HEPH: variants seen among roughly 807,000 people sequenced by gnomAD.
The protein encoded by HEPH is hephaestin.
In HEPH, 69 loss-of-function variants were observed where a neutral mutation model predicts 80.8. The observed-to-expected ratio is 0.85, with a 90% CI of 0.70 to 1.04. The LOEUF (loss-of-function observed/expected upper bound fraction) is 1.04. Ranked by LOEUF, HEPH falls within the 50% of genes least tolerant of loss-of-function variation. HEPH has a pLI of 0.00. For missense variants in HEPH, 1,115 were observed against 891.3 expected (o/e 1.25, Z -3.20); for synonymous variants, 431 against 322.8 (o/e 1.34, Z -3.60).
intron 2 of HEPH, among the ~76,000 whole-genome samples, chrX:66,171,724 A>C (rs2086601746): frequency 8.9e-6 from 1 of 111,842 alleles, no homozygotes; most frequent in Non-Finnish European, 1.9e-5. Context: ...CTTCATCCCT[A>C]ATACTTTGTA....
At chrX:66,208,945 C>G (rs1363410855) in intron 15 of HEPH, among the ~76,000 whole-genome samples, 3 of 108,811 alleles carry the variant, frequency 2.8e-5, no homozygotes, top group Admixed American at 2.0e-4. Context: ...GAATTCTAAC[C>G]CCAGTCACAT....
At chrX:66,164,601 T>A (rs1347841464) in intron 1 of HEPH, 131 bp downstream of exon 1, 1 of 369,812 alleles carries the variant, frequency 2.7e-6, no homozygotes, top group Non-Finnish European at 3.4e-6. Flanking sequence ...TTGGAGGAGG[T>A]TTGGCTGATG....
chrX:66,200,189 G>C (rs867943383), intron 11 of HEPH, among the ~76,000 whole-genome samples: 2 of 107,254 alleles, frequency 1.9e-5, no homozygotes, highest in Admixed American at 1.0e-4. Flanking sequence ...AAAGTATGTT[G>C]CCACAGAAAC....
At chrX:66,197,128 G>A (rs1485212444) in intron 9 of HEPH, among the ~76,000 whole-genome samples, 2 of 109,842 alleles carry the variant, frequency 1.8e-5, no homozygotes, top group Non-Finnish European at 3.8e-5. Flanking sequence ...AAAGGTCTGT[G>A]CATTGCTTGA....
At chrX:66,180,889 T>A (rs1489006327) in intron 4 of HEPH, among the ~76,000 whole-genome samples, 84 of 85,711 alleles carry the variant, frequency 9.8e-4, no homozygotes, top group Non-Finnish European at 1.5e-3. Flanking sequence ...GATATTCCCC[T>A]TCCTGTGTCC....
At position 66,192,267 on chromosome X, in the gene HEPH, A is replaced by T. The variant is rs779478783; in HGVS notation, c.1201A>T (p.Ser401Cys). ...WDYGPMGHDG[S>C]TGKNLREPGS... is the part of the protein sequence containing the mutation. Reference sequence around the variant, plus strand: ...CTATGGCCCGATGGGGCATGATGGGAGTACTGGGAAGAATTTGAGAGAGCC... The same window carrying T: ...CTATGGCCCGATGGGGCATGATGGGTGTACTGGGAAGAATTTGAGAGAGCC... The change falls in exon 7 of 21, where the codon AGT becomes TGT. Residue 401 changes from serine to cysteine, a missense_variant. Around this residue, in one of 3 missense-constraint regions of HEPH, gnomAD observed 391 missense variants for 343.6 expected, o/e 1.14. Transcript: ENST00000343002. The T allele has an allele frequency of 3.1e-5, 37 of 1,207,618 alleles. No individual in the cohort carries two copies. In the South Asian group the frequency reaches 5.9e-4, roughly 19 times the overall value.
At chrX:66,221,667 G>A (rs1434544440) in intron 15 of HEPH, among the ~76,000 whole-genome samples, 1 of 112,745 alleles carries the variant, frequency 8.9e-6, no homozygotes, top group African/African-American at 3.2e-5. Context: ...CTGATACATA[G>A]GGTGTAAAGG....
Position 66,256,066 on chromosome X carries a change from C to T in HEPH, c.2671-39C>T, listed in dbSNP as rs1199548956. The T allele has an allele frequency of 3.7e-6, 4 of 1,084,318 alleles. No homozygotes were observed. The African/African-American group carries it at 7.4e-5, about 20-fold the overall frequency. 89.4% of individuals were successfully genotyped at this position (1,084,318 alleles called of 1,213,427 possible). Reference sequence around the variant, plus strand: ...GGAGTACTGCTACCCAGAAACAACTCCATCTCTTTCTCTCTCTCCCACTTC... The same window carrying T: ...GGAGTACTGCTACCCAGAAACAACTTCATCTCTTTCTCTCTCTCCCACTTC... On this transcript the variant is annotated intron_variant, in intron 16 of 20. Coordinates refer to ENST00000343002, the MANE Select transcript of HEPH (RefSeq NM_001367233.3).
In HEPH at chrX:66,170,707, T is replaced by C. The variant is rs897150550; in HGVS notation, c.137T>C (p.Val46Ala). 2 of 1,208,621 alleles carry C rather than the reference T, an allele frequency of 1.7e-6. No homozygotes were observed. Among genetic ancestry groups the C allele is most frequent in the Admixed American group, 4.4e-5 (2 of 45,595 alleles). ...AACTATGCTCCCAAGGGAAGAAATG[T>C]CATCACGAACCAGCCTCTGGACAGT... ...QWNYAPKGRN[V>A]ITNQPLDSDI... Residue 46 changes from valine (V) to alanine (A), a missense_variant, in exon 2 of 21, where the codon GTC (valine) becomes GCC (alanine). Physicochemically the swap from Val to Ala is moderately conservative, Grantham distance 64 (BLOSUM62 0). Around this residue, in one of 3 missense-constraint regions of HEPH, gnomAD observed 391 missense variants for 343.6 expected, o/e 1.14. Coordinates refer to ENST00000343002, the MANE Select transcript of HEPH (RefSeq NM_001367233.3).
intron 15 of HEPH, among the ~76,000 whole-genome samples, chrX:66,244,934 T>C (rs1484962602): frequency 9.1e-6 from 1 of 110,241 alleles, no homozygotes; most frequent in Non-Finnish European, 1.9e-5. Context: ...AATATTTTAG[T>C]ACATAGAAAG....
chrX:66,267,106 C>G lies in HEPH; in HGVS notation c.*434C>G. 7.9e-6 allele frequency: 1 copy of G among 126,484 alleles called. No homozygotes were observed. The highest frequency in any genetic ancestry group is 1.6e-5 in the Non-Finnish European group (1 of 61,027). 10.4% of individuals were successfully genotyped at this position (126,484 alleles called of 1,213,427 possible). ...AAGTGAGCTGTTAAGATAACCCACACTTAAACTAAAGGCTAAGAATATAGG... is the reference window on the plus strand; with the variant it reads ...AAGTGAGCTGTTAAGATAACCCACAGTTAAACTAAAGGCTAAGAATATAGG... On this transcript the variant is annotated 3_prime_UTR_variant, in exon 21 of 21. Transcript: ENST00000343002.
intron 15 of HEPH, among the ~76,000 whole-genome samples, chrX:66,223,837 CT>C (rs945299148): frequency 2.7e-5 from 3 of 110,756 alleles, no homozygotes; most frequent in Non-Finnish European, 3.8e-5. Flanking sequence ...TGCACATAAA[CT>C]TTTTTTTTCC....
Position 66,164,412 on chromosome X carries a change from C to T in HEPH, c.-72C>T. The T allele has an allele frequency of 1.3e-6, 1 of 753,129 alleles. No individual in the cohort carries two copies. The highest frequency in any genetic ancestry group is 1.6e-6 in the Non-Finnish European group (1 of 638,226). The allele number at this position is 753,129 out of a possible 1,213,427, so 62.1% of individuals were successfully genotyped here. On this transcript the variant is annotated 5_prime_UTR_variant, in exon 1 of 21. Coordinates refer to ENST00000343002, the MANE Select transcript of HEPH (RefSeq NM_001367233.3). ...ATGGCTGGCGGACTCAGGCTGGGGT[C>T]TGCAGTGCAGCATTAATGGGCCGCT...
At chrX:66,176,295 G>A (rs2086799529) in intron 4 of HEPH, among the ~76,000 whole-genome samples, 1 of 111,520 alleles carries the variant, frequency 9.0e-6, no homozygotes, top group Admixed American at 9.5e-5. Context: ...TAAAAATTCT[G>A]TTCATGTGGT....
intron 9 of HEPH, 71 bp from the exon 10 acceptor site, chrX:66,197,612 A>G: frequency 1.1e-6 from 1 of 920,993 alleles, no homozygotes; most frequent in Non-Finnish European, 1.6e-6. Context: ...CATAATCTTT[A>G]TTTCACTGTT....
At chrX:66,177,031 A>T (rs1041145527) in intron 4 of HEPH, among the ~76,000 whole-genome samples, 1 of 111,525 alleles carries the variant, frequency 9.0e-6, no homozygotes, top group African/African-American at 3.3e-5. Context: ...TGAACAGGCA[A>T]CCTACAGAAT....
chrX:66,263,587 A>G (rs376948190), intron 19 of HEPH, 57 bp from the exon 20 acceptor site: 2 of 1,164,762 alleles, frequency 1.7e-6, no homozygotes, highest in South Asian at 3.6e-5. Context: ...TAGGGGGCCT[A>G]TGGATTGGTA....
At chrX:66,201,546 A>G (rs955047929) in intron 12 of HEPH, among the ~76,000 whole-genome samples, 1 of 111,239 alleles carries the variant, frequency 9.0e-6, no homozygotes, top group Non-Finnish European at 1.9e-5. Flanking sequence ...TCTTTTCTTT[A>G]GTCCCTATGG....
At chrX:66,266,113 A>G (rs771421964) in intron 20 of HEPH, among the ~76,000 whole-genome samples, 1 of 106,682 alleles carries the variant, frequency 9.4e-6, no homozygotes, top group Non-Finnish European at 1.9e-5. Context: ...GCCATACAGA[A>G]CAAGTCAAAT....
Sources: allele counts gnomAD v4.1 joint callset (sites outside exome capture counted in the v4.1 genomes callset), GRCh38; gene constraint gnomAD v4.1.1; regional missense constraint gnomAD v4.1.1; transcripts MANE v1.5; gene names NCBI Gene and HGNC (gene_info 2026-07-23, HGNC 2026-07-21).